Variants in CCSER1 observed in about 807,000 individuals in gnomAD.
CCSER1 encodes serine-rich coiled-coil domain-containing protein 1.
Under a neutral mutation model 82.0 loss-of-function variants are expected in CCSER1, and 41 were observed. The observed-to-expected ratio is 0.50, with a 90% CI of 0.39 to 0.65. The LOEUF (loss-of-function observed/expected upper bound fraction) is 0.65. Among genes scored for constraint, CCSER1 ranks in the 30% least tolerant of loss-of-function variants. The probability of loss-of-function intolerance (pLI) is 0.00; values close to 1 mark genes in which losing one functional copy is unlikely to be tolerated. For missense variants in CCSER1, 1,119 were observed against 1,064.2 expected, an observed-to-expected ratio of 1.05 and a Z score of -0.72; for synonymous variants, 414 against 383.9, an observed-to-expected ratio of 1.08 and a Z score of -0.92.
At chr4:91,413,863 C>G (rs1753205305) in intron 10 of CCSER1, among the ~76,000 whole-genome samples, 1 of 152,012 alleles carries the variant, frequency 6.6e-6, no homozygotes, top group Admixed American at 6.6e-5. Context: ...AAAAACCTTA[C>G]AAGCCAGGAG....
intron 9 of CCSER1, among the ~76,000 whole-genome samples, chr4:90,968,508 C>T (rs1410211901): frequency 1.3e-5 from 2 of 151,996 alleles, no homozygotes; most frequent in Non-Finnish European, 2.9e-5. Context: ...GAGCAAACTG[C>T]CCTAGGGAGA....
At chr4:91,498,260 G>A (rs755835669) in intron 10 of CCSER1, among the ~76,000 whole-genome samples, 4 of 151,940 alleles carry the variant, frequency 2.6e-5, no homozygotes, top group Non-Finnish European at 5.9e-5. Flanking sequence ...TTCTTCTTTA[G>A]CTGGAAAGTA....
At chr4:90,964,983 C>A (rs1734419870) in intron 9 of CCSER1, among the ~76,000 whole-genome samples, 1 of 151,940 alleles carries the variant, frequency 6.6e-6, no homozygotes. Context: ...ACCTTTGTAG[C>A]CACTAAGGGG....
intron 10 of CCSER1, among the ~76,000 whole-genome samples, chr4:91,094,554 G>A (rs756288009): frequency 6.6e-6 from 1 of 152,120 alleles, no homozygotes; most frequent in Non-Finnish European, 1.5e-5. Context: ...CATGGAGATT[G>A]TCAAGGAACT....
rs147612029 is a variant in CCSER1, at chr4:90,173,339, CA to C, written c.-42+45518del. Among the ~76,000 whole-genome samples the C allele has an allele frequency of 5.8e-3, 839 of 145,426 alleles. 2 individuals carry two copies. The highest frequency in any genetic ancestry group is 8.2e-3 in the Non-Finnish European group (533 of 65,236). ...ATTGATCTGCAATTGTGTTTTTTTT[CA>C]AAAAAAAAATGATTCTTCAGGATAA... On this transcript the variant is annotated intron_variant, in intron 1 of 10. Coordinates refer to ENST00000509176, the MANE Select transcript of CCSER1 (RefSeq NM_001145065.2).
intron 8 of CCSER1, among the ~76,000 whole-genome samples, chr4:90,884,210 A>C (rs1434396467): frequency 6.6e-6 from 1 of 152,204 alleles, no homozygotes; most frequent in Non-Finnish European, 1.5e-5. Flanking sequence ...AAATCATGCC[A>C]AGATGAACAA....
chr4:90,855,706 G>A (rs1441447160), intron 8 of CCSER1, among the ~76,000 whole-genome samples: 6 of 151,908 alleles, frequency 3.9e-5, no homozygotes, highest in African/African-American at 1.5e-4. Flanking sequence ...ATATCTTTAT[G>A]TTCTGGCTTC....
chr4:91,079,577 T>C (rs568783725), intron 9 of CCSER1, among the ~76,000 whole-genome samples: 17 of 152,192 alleles, frequency 1.1e-4, no homozygotes, highest in African/African-American at 3.1e-4. Context: ...ACAATATGAA[T>C]CTTAAATGTA....
intron 9 of CCSER1, among the ~76,000 whole-genome samples, chr4:90,960,090 A>C (rs1161755362): frequency 6.6e-6 from 1 of 152,198 alleles, no homozygotes; most frequent in Non-Finnish European, 1.5e-5. Context: ...ATAATTGGAC[A>C]TTTAATGCCA....
chr4:91,088,318 A>G (rs1231443661), intron 10 of CCSER1, among the ~76,000 whole-genome samples: 1 of 152,158 alleles, frequency 6.6e-6, no homozygotes, highest in Non-Finnish European at 1.5e-5. Flanking sequence ...TTATAAGAAG[A>G]TTTAAGAAGT....
intron 1 of CCSER1, among the ~76,000 whole-genome samples, chr4:90,202,388 A>T (rs887129815): frequency 3.9e-5 from 6 of 151,926 alleles, no homozygotes; most frequent in African/African-American, 1.5e-4. Flanking sequence ...TTTTTAGTAG[A>T]GATAGGGTTT....
intron 3 of CCSER1, among the ~76,000 whole-genome samples, chr4:90,366,090 AG>A (rs1384045932): frequency 6.6e-6 from 1 of 151,910 alleles, no homozygotes; most frequent in Non-Finnish European, 1.5e-5. Flanking sequence ...TTACCAGTAA[AG>A]CTGTTCAGTA....
chr4:90,413,818 G>C (rs1009478938), intron 4 of CCSER1, among the ~76,000 whole-genome samples: 2 of 149,032 alleles, frequency 1.3e-5, no homozygotes, highest in Non-Finnish European at 3.0e-5. Flanking sequence ...GCGTAGTGGC[G>C]GGCGCCTGTA....
intron 10 of CCSER1, among the ~76,000 whole-genome samples, chr4:91,401,337 TATA>T (rs1752308134): frequency 6.7e-6 from 1 of 148,330 alleles, no homozygotes. Flanking sequence ...ATATATTACA[TATA>T]ATATACTACA....
chr4:90,169,405 A>C (rs1310015304), intron 1 of CCSER1, among the ~76,000 whole-genome samples: 1 of 152,080 alleles, frequency 6.6e-6, no homozygotes, highest in African/African-American at 2.4e-5. Flanking sequence ...CTAGGTATAC[A>C]ATCATGTCAT....
At chr4:91,214,412 C>A (rs147285484) in intron 10 of CCSER1, among the ~76,000 whole-genome samples, 5 of 152,266 alleles carry the variant, frequency 3.3e-5, no homozygotes, top group East Asian at 3.9e-4. Context: ...CATAAAGAGA[C>A]CATCAACCAA....
intron 5 of CCSER1, among the ~76,000 whole-genome samples, chr4:90,601,796 T>G (rs1160234184): frequency 1.3e-5 from 2 of 152,106 alleles, no homozygotes; most frequent in Non-Finnish European, 2.9e-5. Context: ...TGTTCTACTT[T>G]TATTTTTATT....
At chr4:91,342,399 G>A (rs1016011600) in intron 10 of CCSER1, among the ~76,000 whole-genome samples, 1 of 152,022 alleles carries the variant, frequency 6.6e-6, no homozygotes, top group Admixed American at 6.6e-5. Context: ...TGGATACTTT[G>A]GTTTGTATGT....
chr4:90,797,393 T>C (rs1244009777), intron 7 of CCSER1, among the ~76,000 whole-genome samples: 1 of 152,172 alleles, frequency 6.6e-6, no homozygotes, highest in Non-Finnish European at 1.5e-5. Flanking sequence ...ATTAGTCTCT[T>C]GAAGACAGCA....
Sources: gnomAD v4.1 joint callset for allele counts (sites outside exome capture counted in the v4.1 genomes callset) on GRCh38, gnomAD v4.1.1 for gene constraint, MANE v1.5 for transcripts, NCBI Gene and HGNC (gene_info 2026-07-23, HGNC 2026-07-21) for gene names.